Variants in DYNC2I1 observed in about 807,000 individuals in gnomAD.
The protein encoded by DYNC2I1 is cytoplasmic dynein 2 intermediate chain 1.
In DYNC2I1, 89 loss-of-function variants were observed where a neutral mutation model predicts 133.4. The observed-to-expected ratio is 0.67, with a 90% CI of 0.56 to 0.80. The LOEUF (loss-of-function observed/expected upper bound fraction) is 0.80. Among genes scored for constraint, DYNC2I1 ranks in the 30% least tolerant of loss-of-function variants. The pLI is 0.00. For synonymous variants in DYNC2I1, 504 were observed against 484.3 expected (o/e 1.04, Z -0.54); for missense variants, 1,291 against 1,314.5 (o/e 0.98, Z 0.28).
intron 5 of DYNC2I1, among the ~76,000 whole-genome samples, chr7:158,882,452 A>G (rs1017143760): frequency 6.6e-6 from 1 of 151,182 alleles, no homozygotes; most frequent in African/African-American, 2.4e-5. Context: ...GCATGGTGGC[A>G]CACAGCTGTA....
downstream of DYNC2I1, among the ~76,000 whole-genome samples, chr7:158,947,315 T>C (rs1170729421): frequency 6.6e-6 from 1 of 152,218 alleles, no homozygotes; most frequent in Non-Finnish European, 1.5e-5. Context: ...CCGTCCTTGC[T>C]GCTGTTTTGC....
rs139422373 is a variant in DYNC2I1, at chr7:158,907,583, G to A, written c.1460+1492G>A. Among the ~76,000 whole-genome samples, 768 of 148,052 alleles carry A rather than the reference G, an allele frequency of 5.2e-3. 5 individuals carry two copies. Among genetic ancestry groups the A allele is most frequent in the Non-Finnish European group, 7.9e-3 (533 of 67,072 alleles). ...CCTTTTCCTTTCCCTTTCCCTTTCCGTTCCCTTTCCTTTCCCTTTTCTTTC... is the reference window on the plus strand; with the variant it reads ...CCTTTTCCTTTCCCTTTCCCTTTCCATTCCCTTTCCTTTCCCTTTTCTTTC... On this transcript the variant is annotated intron_variant, in intron 11 of 24. Transcript: ENST00000407559.
rs769872985 is a variant in DYNC2I1, at chr7:158,942,017, C to T, written c.2871C>T (p.Val957=). ...ACAGCAGCACGGACAGCCATGCGGT[C>T]ACCGGCCTGCAGTGGTCCCCAACCA... is the stretch of plus-strand genomic sequence containing the variant. ...QWDSSTDSHA[V]TGLQWSPTRP... is the part of the protein sequence containing the mutation. Residue 957 remains valine (V), a synonymous_variant, in exon 24 of 25, where the codon GTC becomes GTT. Coordinates refer to ENST00000407559, the MANE Select transcript of DYNC2I1 (RefSeq NM_018051.5). The T allele has an allele frequency of 1.2e-5, 20 of 1,613,490 alleles. No homozygotes were observed. The highest frequency in any genetic ancestry group is 1.6e-5 in the Non-Finnish European group (19 of 1,179,814).
At position 158,856,761 on chromosome 7, in the gene DYNC2I1, C is replaced by A; in HGVS notation, c.15+11C>A. The stretch of plus-strand genomic sequence containing the variant: ...ATGGAGCCCGGGAAGGTCGGTGCGG[C>A]GCTGGGTCTGGGCGAGGGGTGGTCG... On this transcript the variant is annotated intron_variant, in intron 1 of 24. Transcript: ENST00000407559. 1.6e-6 allele frequency: 2 copies of A among 1,234,606 alleles called. No homozygotes were observed. The highest frequency in any genetic ancestry group is 2.0e-6 in the Non-Finnish European group (2 of 986,844). The allele number at this position is 1,234,606 out of a possible 1,614,324, so 76.5% of individuals were successfully genotyped here. A position where few individuals can be genotyped will look rare whatever the true frequency, so the allele number is the denominator to read the frequency against.
At chr7:158,944,799 C>A (rs929496478) in intron 24 of DYNC2I1, among the ~76,000 whole-genome samples, 1 of 152,162 alleles carries the variant, frequency 6.6e-6, no homozygotes, top group Non-Finnish European at 1.5e-5. Flanking sequence ...GAAGCAAAGA[C>A]GGGCAGGGAG....
chr7:158,929,417 G>A (rs573770207), intron 20 of DYNC2I1, among the ~76,000 whole-genome samples: 2 of 149,864 alleles, frequency 1.3e-5, no homozygotes, highest in East Asian at 2.1e-4. Context: ...CGTGGGCGGT[G>A]GCGTGTAGGG....
At chr7:158,927,196 G>C (rs1176415628) in intron 20 of DYNC2I1, among the ~76,000 whole-genome samples, 153 bp downstream of exon 20, 1 of 152,092 alleles carries the variant, frequency 6.6e-6, no homozygotes, top group East Asian at 1.9e-4. Context: ...GAGCCCAGGA[G>C]TTCCAGACCA....
chr7:158,915,912 TCGA>T (rs1848174851), intron 14 of DYNC2I1, among the ~76,000 whole-genome samples: 1 of 124,704 alleles, frequency 8.0e-6, no homozygotes. Flanking sequence ...TTGTGAAACG[TCGA>T]CACGCTGGTT....
At chr7:158,884,718 G>T in intron 6 of DYNC2I1, 99 bp downstream of exon 6, 1 of 1,280,586 alleles carries the variant, frequency 7.8e-7, no homozygotes. Context: ...CCAGTCCATG[G>T]CAATCAGTTA....
chr7:158,865,654 C>T (rs1245802727), intron 1 of DYNC2I1, among the ~76,000 whole-genome samples: 4 of 152,172 alleles, frequency 2.6e-5, no homozygotes, highest in Non-Finnish European at 5.9e-5. Flanking sequence ...CCCCAGTCCC[C>T]AGGCTGGGGT....
chr7:158,853,562 C>A (rs1306347151), upstream of DYNC2I1, among the ~76,000 whole-genome samples: 1 of 151,904 alleles, frequency 6.6e-6, no homozygotes, highest in Non-Finnish European at 1.5e-5. Context: ...TTCTCCTTGC[C>A]GGCTGCTCAG....
chr7:158,953,720 A>G (rs2730207), intron 4 of DYNC2I1, among the ~76,000 whole-genome samples: 131,822 of 152,100 alleles, frequency 0.87, 57,394 homozygotes, highest in East Asian at 0.95. Flanking sequence ...GCGTGTGTGT[A>G]TATATATGTT....
At chr7:158,869,579 A>C (rs1021795228) in intron 1 of DYNC2I1, 4 of 522,618 alleles carry the variant, frequency 7.7e-6, no homozygotes, top group Non-Finnish European at 1.5e-5. Context: ...CTGTTGTTCA[A>C]CTGCTGTTAT....
chr7:158,905,788 AT>A (rs1846741955), intron 10 of DYNC2I1, among the ~76,000 whole-genome samples, 200 bp from the exon 11 acceptor site: 2 of 152,128 alleles, frequency 1.3e-5, no homozygotes, highest in African/African-American at 4.8e-5. Context: ...TGATCAGTAA[AT>A]TTTGCTTTGT....
intron 1 of DYNC2I1, chr7:158,869,503 T>C (rs1312017518): frequency 6.3e-6 from 3 of 476,824 alleles, no homozygotes; most frequent in African/African-American, 6.0e-5. Flanking sequence ...GAGTCTGTTG[T>C]GGCTGTTTTT....
At chr7:158,858,657 T>TC (rs1563065096) in intron 1 of DYNC2I1, among the ~76,000 whole-genome samples, 2 of 152,176 alleles carry the variant, frequency 1.3e-5, no homozygotes, top group African/African-American at 4.8e-5. Flanking sequence ...CTTTATGTTC[T>TC]CATCAGGACA....
At position 158,922,380 on chromosome 7, in the gene DYNC2I1, GA is replaced by G; in HGVS notation, c.1929del (p.Val644TyrfsTer50). The G allele has an allele frequency of 6.2e-7, 1 of 1,612,780 alleles. No homozygotes were observed. The highest frequency in any genetic ancestry group is 8.5e-7 in the Non-Finnish European group (1 of 1,179,474). On this transcript the variant is annotated frameshift_variant, in exon 16 of 25. Coordinates refer to ENST00000407559, the MANE Select transcript of DYNC2I1 (RefSeq NM_018051.5). LOFTEE classifies it high-confidence loss of function. ...LNTSLPFLQN[R>X]KVSSLHTSRV... The stretch of plus-strand genomic sequence containing the variant: ...AACATATTTTTCTTCTCCCTAGATC[GA>G]AAAGTATCCTCCTTGCACACCTCCC...
chr7:158,947,941 T>C (rs140184398), downstream of DYNC2I1, among the ~76,000 whole-genome samples: 1 of 152,346 alleles, frequency 6.6e-6, no homozygotes, highest in Non-Finnish European at 1.5e-5. Context: ...CTCCTAAGCA[T>C]TGGGTGTTTT....
chr7:158,873,263 G>A (rs140994254), intron 3 of DYNC2I1, among the ~76,000 whole-genome samples: 4 of 152,232 alleles, frequency 2.6e-5, no homozygotes, highest in African/African-American at 7.2e-5. Flanking sequence ...GTAAACTAGC[G>A]CATATAAATG....
Sources: gnomAD v4.1 joint callset for allele counts (sites outside exome capture counted in the v4.1 genomes callset) on GRCh38, gnomAD v4.1.1 for gene constraint, MANE v1.5 for transcripts, NCBI Gene and HGNC (gene_info 2026-07-23, HGNC 2026-07-21) for gene names.